Variants in OPHN1 observed in about 807,000 individuals in gnomAD.
OPHN1 encodes the protein oligophrenin-1.
A neutral mutation model predicts 60.7 loss-of-function variants in OPHN1; 11 were observed. The observed-to-expected ratio is 0.18, with a 90% CI of 0.11 to 0.30. The LOEUF (loss-of-function observed/expected upper bound fraction) is 0.30, where lower values mean the gene tolerates loss of function less well. OPHN1 is among the 10% of genes least tolerant of loss of function. The pLI is 1.00. For missense variants in OPHN1, 449 were observed against 611.0 expected, an observed-to-expected ratio of 0.73 and a Z score of 2.80; for synonymous variants, 226 against 222.6, an observed-to-expected ratio of 1.02 and a Z score of -0.14.
At chrX:68,389,802 G>A (rs1484227352) in intron 2 of OPHN1, among the ~76,000 whole-genome samples, 1 of 110,238 alleles carries the variant, frequency 9.1e-6, no homozygotes, top group Non-Finnish European at 1.9e-5. Flanking sequence ...CTTTGGGCGA[G>A]GGGGATAATA....
chrX:68,262,829 A>AAGGACAGGACAGGACAGGAC (rs4020603), intron 5 of OPHN1, among the ~76,000 whole-genome samples: 3 of 97,989 alleles, frequency 3.1e-5, no homozygotes, highest in East Asian at 3.4e-4. Flanking sequence ...CAAGAAAGGA[A>AAGGACAGGACAGGACAGGAC]AGGACAGGAC....
chrX:68,317,484 AGAGAGGG>A (rs2078210150), intron 2 of OPHN1, among the ~76,000 whole-genome samples: 1 of 82,767 alleles, frequency 1.2e-5, no homozygotes, highest in African/African-American at 6.4e-5. Context: ...GGAGGAAGGG[AGAGAGGG>A]AGGGAGAGAG....
intron 2 of OPHN1, 41 bp from the exon 3 acceptor site, chrX:68,299,137 A>G: frequency 1.1e-6 from 1 of 878,899 alleles, no homozygotes; most frequent in Non-Finnish European, 1.7e-6. Flanking sequence ...CAACAATGCT[A>G]TGCTTTGATC....
At chrX:68,302,892 C>G (rs1446108671) in intron 2 of OPHN1, among the ~76,000 whole-genome samples, 1 of 110,815 alleles carries the variant, frequency 9.0e-6, no homozygotes, top group Non-Finnish European at 1.9e-5. Context: ...CTATTGCACT[C>G]CTGTCTAGGT....
intron 2 of OPHN1, among the ~76,000 whole-genome samples, chrX:68,408,960 C>CA (rs978967178): frequency 2.1e-4 from 23 of 111,685 alleles, no homozygotes; most frequent in Non-Finnish European, 2.3e-4. Context: ...GACTCCGTCT[C>CA]AAAAAAAGAT....
At chrX:68,379,221 T>A (rs2078580438) in intron 2 of OPHN1, among the ~76,000 whole-genome samples, 1 of 111,221 alleles carries the variant, frequency 9.0e-6, no homozygotes, top group Admixed American at 9.7e-5. Context: ...CACTCATGAT[T>A]TGGCTCTCTG....
chrX:68,426,480 A>T (rs1433585026), intron 2 of OPHN1, among the ~76,000 whole-genome samples: 2 of 94,022 alleles, frequency 2.1e-5, no homozygotes, highest in Non-Finnish European at 4.3e-5. Context: ...TTAGTCCAAG[A>T]GAGCCTATGT....
intron 22 of OPHN1, among the ~76,000 whole-genome samples, chrX:68,053,074 G>A (rs2076858733): frequency 9.0e-6 from 1 of 111,623 alleles, no homozygotes; most frequent in Non-Finnish European, 1.9e-5. Flanking sequence ...AAGCAAAGCT[G>A]GTCCCTGAGC....
intron 2 of OPHN1, among the ~76,000 whole-genome samples, chrX:68,370,820 T>A (rs1240399992): frequency 9.0e-6 from 1 of 111,379 alleles, no homozygotes; most frequent in African/African-American, 3.3e-5. Flanking sequence ...TCATTTGTTA[T>A]AAATTTAGGA....
At chrX:68,080,955 C>T (rs2076971963) in intron 19 of OPHN1, among the ~76,000 whole-genome samples, 1 of 111,370 alleles carries the variant, frequency 9.0e-6, no homozygotes, top group Non-Finnish European at 1.9e-5. Context: ...CCATGGGCTC[C>T]CACAGCATCC....
intron 2 of OPHN1, among the ~76,000 whole-genome samples, chrX:68,383,922 T>C (rs896031155): frequency 9.0e-6 from 1 of 111,331 alleles, no homozygotes; most frequent in Non-Finnish European, 1.9e-5. Flanking sequence ...TTTGGAATTG[T>C]TTCCCTAAGG....
At chrX:68,157,213 TCAGA>T (rs1875579093) in intron 15 of OPHN1, among the ~76,000 whole-genome samples, 1 of 112,017 alleles carries the variant, frequency 8.9e-6, no homozygotes, top group African/African-American at 3.2e-5. Flanking sequence ...ATTGGATAAC[TCAGA>T]CAGAGAACAT....
intron 2 of OPHN1, among the ~76,000 whole-genome samples, chrX:68,304,303 A>C (rs66746011): frequency 0.2 from 22,626 of 110,694 alleles, 2,136 homozygotes; most frequent in African/African-American, 0.36. Flanking sequence ...ATTTCAGATG[A>C]TCCACATACT....
chrX:68,422,606 GAA>G (rs1465839093), intron 2 of OPHN1, among the ~76,000 whole-genome samples: 1 of 49,789 alleles, frequency 2.0e-5, no homozygotes, highest in African/African-American at 5.6e-5. Flanking sequence ...AAAAAGAAAA[GAA>G]AAAGAGAGAG....
chrX:68,369,446 CAA>C (rs761342506), intron 2 of OPHN1, among the ~76,000 whole-genome samples: 2 of 111,349 alleles, frequency 1.8e-5, no homozygotes, highest in South Asian at 7.6e-4. Flanking sequence ...AAAAAAATCA[CAA>C]GACAAACAAA....
intron 15 of OPHN1, chrX:68,133,496 C>A: frequency 2.0e-6 from 1 of 492,502 alleles, no homozygotes. Context: ...GCCTGCTGTA[C>A]ACTTTTTGCA....
chrX:68,428,262 T>C (rs2078869305), intron 2 of OPHN1, among the ~76,000 whole-genome samples: 1 of 111,610 alleles, frequency 9.0e-6, no homozygotes, highest in Non-Finnish European at 1.9e-5. Context: ...GGAATAATAA[T>C]CCTTATCTCA....
Position 68,324,480 on chromosome X carries a change from C to T in OPHN1, c.155-25384G>A, listed in dbSNP as rs757773024. On this transcript the variant is annotated intron_variant, in intron 2 of 24. Coordinates refer to ENST00000355520, the MANE Select transcript of OPHN1 (RefSeq NM_002547.3). ...AAAAAAATAGCCAGGTATGGTGGTG[C>T]GCGCTGTAGTCCCAGCTACTCCAGA... Among the ~76,000 whole-genome samples the T allele has an allele frequency of 2.2e-4, 23 of 105,649 alleles. No homozygotes were observed. In the South Asian group the frequency reaches 6.6e-3, roughly 30 times the overall value. 91.7% of individuals were successfully genotyped at this position (105,649 alleles called of 115,157 possible). A position where few individuals can be genotyped will look rare whatever the true frequency, so the allele number is the denominator to read the frequency against.
intron 2 of OPHN1, among the ~76,000 whole-genome samples, chrX:68,383,598 G>GA (rs10591078): frequency 0.016 from 355 of 22,365 alleles, 22 homozygotes; most frequent in East Asian, 0.025. Context: ...CTCCATCCCA[G>GA]AAAAAAAAAA....
Sources: allele counts gnomAD v4.1 joint callset (sites outside exome capture counted in the v4.1 genomes callset), GRCh38; gene constraint gnomAD v4.1.1; transcripts MANE v1.5; gene names NCBI Gene and HGNC (gene_info 2026-07-23, HGNC 2026-07-21).